The following XXYLT1 variants were observed in gnomAD, a reference collection of about 807,000 sequenced individuals.
The protein encoded by XXYLT1 is xyloside xylosyltransferase 1.
XXYLT1 carries 20 observed loss-of-function variants against 28.9 expected under a neutral mutation model. That is an observed-to-expected ratio of 0.69 (90% CI 0.49 to 1.00). The LOEUF (loss-of-function observed/expected upper bound fraction) is 1.00. XXYLT1 is among the 50% of genes least tolerant of loss of function. XXYLT1 has a pLI of 0.00. For synonymous variants in XXYLT1, 257 were observed against 253.8 expected (o/e 1.01, Z -0.12); for missense variants, 542 against 560.1 (o/e 0.97, Z 0.33).
chr3:195,139,906 C>A (rs1281803918), intron 3 of XXYLT1, among the ~76,000 whole-genome samples: 2 of 152,204 alleles, frequency 1.3e-5, no homozygotes, highest in African/African-American at 4.8e-5. Flanking sequence ...TCTGGAGATT[C>A]TGTGGCAGAC....
chr3:195,220,008 C>G (rs770737829), intron 2 of XXYLT1, among the ~76,000 whole-genome samples: 1 of 152,126 alleles, frequency 6.6e-6, no homozygotes, highest in Non-Finnish European at 1.5e-5. Context: ...CCGCAGGAAA[C>G]GAGCAGGCTG....
At chr3:195,109,041 T>C (rs55980698) in intron 3 of XXYLT1, among the ~76,000 whole-genome samples, 100,998 of 152,028 alleles carry the variant, frequency 0.66, 34,099 homozygotes, top group Middle Eastern at 0.72. Context: ...TCCAATATAT[T>C]GATAAAGCAG....
chr3:195,106,531 C>T (rs1477337329), intron 3 of XXYLT1, among the ~76,000 whole-genome samples: 3 of 152,244 alleles, frequency 2.0e-5, no homozygotes, highest in African/African-American at 4.8e-5. Flanking sequence ...TGATTCGGGG[C>T]TGCGGTGGGA....
chr3:195,255,992 C>T lies in XXYLT1; in HGVS notation c.504+14563G>A, dbSNP rs531011501. Among the ~76,000 whole-genome samples the T allele has an allele frequency of 6.3e-4, 96 of 152,296 alleles. No individual in the cohort carries two copies. Among genetic ancestry groups the T allele is most frequent in the African/African-American group, 2.2e-3 (93 of 41,562 alleles). ...GTCCACCCCGGGCAGCCCTGGGATTCCCCTGTTCTGTGCCACCCAGCTGAC... is the reference window on the plus strand; with the variant it reads ...GTCCACCCCGGGCAGCCCTGGGATTTCCCTGTTCTGTGCCACCCAGCTGAC... On this transcript the variant is annotated intron_variant, in intron 1 of 3. Transcript: ENST00000310380. The surrounding 1 kb of genome is among the most constrained non-coding windows in gnomAD (Gnocchi z 4.5).
intron 3 of XXYLT1, among the ~76,000 whole-genome samples, chr3:195,102,655 C>T (rs1027457406): frequency 4.0e-5 from 6 of 150,842 alleles, no homozygotes; most frequent in Non-Finnish European, 5.9e-5. Context: ...AGTAATATTC[C>T]GTTTTGTGTG....
At chr3:195,146,638 G>A (rs999556600) in intron 3 of XXYLT1, 1 of 152,248 alleles carries the variant, frequency 6.6e-6, no homozygotes, top group African/African-American at 2.4e-5. Flanking sequence ...CACTCCGAGA[G>A]ACTTTTCAGA....
chr3:195,100,095 C>A (rs186903181), intron 3 of XXYLT1, among the ~76,000 whole-genome samples: 3 of 152,248 alleles, frequency 2.0e-5, no homozygotes, highest in East Asian at 1.9e-4. Flanking sequence ...AACTTCCAGT[C>A]CCTGCATAAA....
At chr3:195,132,489 A>G (rs1364950241) in intron 3 of XXYLT1, among the ~76,000 whole-genome samples, 2 of 152,152 alleles carry the variant, frequency 1.3e-5, no homozygotes, top group Non-Finnish European at 1.5e-5. Flanking sequence ...AAGAAAGAAA[A>G]TAAGTGCTTA....
intron 1 of XXYLT1, among the ~76,000 whole-genome samples, chr3:195,241,564 G>C (rs548641769): frequency 6.6e-6 from 1 of 152,100 alleles, no homozygotes; most frequent in Admixed American, 6.5e-5. Context: ...ATGTGAAGGC[G>C]CATTTCCAGA....
intron 1 of XXYLT1, among the ~76,000 whole-genome samples, chr3:195,251,067 G>C (rs1725233946): frequency 6.6e-6 from 1 of 152,180 alleles, no homozygotes; most frequent in Non-Finnish European, 1.5e-5. Context: ...TGGGATCTGA[G>C]GACTCCCTCA....
chr3:195,171,867 T>C (rs1386496684), intron 2 of XXYLT1, among the ~76,000 whole-genome samples: 1 of 152,234 alleles, frequency 6.6e-6, no homozygotes, highest in Non-Finnish European at 1.5e-5. Flanking sequence ...TCATTAATAG[T>C]TAAGTGATAA....
At chr3:195,160,240 CA>C (rs1720806294) in intron 2 of XXYLT1, among the ~76,000 whole-genome samples, 1 of 152,192 alleles carries the variant, frequency 6.6e-6, no homozygotes, top group Non-Finnish European at 1.5e-5. Flanking sequence ...AAGACATGCT[CA>C]GGTAAGCACA....
rs138905659 is a variant in XXYLT1, at chr3:195,074,439, T to C, written c.786-4328A>G. Among the ~76,000 whole-genome samples, 11 of 152,280 alleles carry C rather than the reference T, an allele frequency of 7.2e-5. No homozygotes were observed. In the East Asian group the frequency reaches 2.1e-3, roughly 29 times the overall value. ...TGAGGCCTGGAACCCGGAAACGTGA[T>C]TTCCCTCATACCCATGCATGTGTGC... is the stretch of plus-strand genomic sequence containing the variant. On this transcript the variant is annotated intron_variant, in intron 3 of 3. Coordinates refer to ENST00000310380, the MANE Select transcript of XXYLT1 (RefSeq NM_152531.5).
chr3:195,238,570 G>A (rs1051626415), intron 1 of XXYLT1, among the ~76,000 whole-genome samples: 8 of 152,228 alleles, frequency 5.3e-5, no homozygotes, highest in South Asian at 4.1e-4. Context: ...CTTTGGGCAA[G>A]TAACTAAACC....
At position 195,190,059 on chromosome 3, in the gene XXYLT1, T is replaced by G. The variant is rs570843091; in HGVS notation, c.653-33478A>C. On this transcript the variant is annotated intron_variant, in intron 2 of 3. Transcript: ENST00000310380. ...CAGAAGGCAATGTGATGACATAAAG[T>G]ATTGAAAGCAAAAAGCAAAAAGAAA... Among the ~76,000 whole-genome samples, 4 of 149,568 alleles carry G rather than the reference T, an allele frequency of 2.7e-5. No individual in the cohort carries two copies. In the South Asian group the frequency reaches 8.3e-4, roughly 31 times the overall value.
Position 195,069,474 on chromosome 3 carries a change from G to C in XXYLT1, c.*241C>G, listed in dbSNP as rs535529267. ...TTGCTTCCCAGCCCACTGGACATGC[G>C]TGTCCTTTGTGTCGCCTGCTCCCTG... is the stretch of plus-strand genomic sequence containing the variant. On this transcript the variant is annotated 3_prime_UTR_variant, in exon 4 of 4. Coordinates refer to ENST00000310380, the MANE Select transcript of XXYLT1 (RefSeq NM_152531.5). The C allele has an allele frequency of 3.8e-6, 2 of 532,528 alleles. No individual in the cohort carries two copies. Among genetic ancestry groups the C allele is most frequent in the Non-Finnish European group, 6.6e-6 (2 of 305,120 alleles). The allele number at this position is 532,528 out of a possible 1,614,324, so 33.0% of individuals were successfully genotyped here.
At chr3:195,228,575 G>A (rs1284231423) in intron 1 of XXYLT1, among the ~76,000 whole-genome samples, 5 of 135,614 alleles carry the variant, frequency 3.7e-5, no homozygotes, top group Non-Finnish European at 1.5e-5. Flanking sequence ...CACTGACACC[G>A]CCTCCCGGGT....
At chr3:195,141,905 G>T (rs1389180477) in intron 3 of XXYLT1, among the ~76,000 whole-genome samples, 1 of 152,252 alleles carries the variant, frequency 6.6e-6, no homozygotes, top group Non-Finnish European at 1.5e-5. Context: ...TTCCCTGAGA[G>T]AATTGTTCTC....
intron 3 of XXYLT1, among the ~76,000 whole-genome samples, chr3:195,099,830 C>CAAAAAAAAAA (rs35428286): frequency 1.0e-5 from 1 of 97,222 alleles, no homozygotes; most frequent in Non-Finnish European, 2.2e-5. Context: ...GACTCTGTCT[C>CAAAAAAAAAA]AAAAAAAAAA....
Sources: gnomAD v4.1 joint callset for allele counts (sites outside exome capture counted in the v4.1 genomes callset) on GRCh38, gnomAD v4.1.1 for gene constraint, Gnocchi (gnomAD v3.1) non-coding constraint, MANE v1.5 for transcripts, NCBI Gene and HGNC (gene_info 2026-07-23, HGNC 2026-07-21) for gene names.